The following HADHA variants were observed in gnomAD, a reference collection of about 807,000 sequenced individuals.
HADHA encodes hydroxyacyl-CoA dehydrogenase trifunctional multienzyme complex subunit alpha.
HADHA carries 59 observed loss-of-function variants against 91.3 expected under a neutral mutation model. The observed-to-expected ratio is 0.65, with a 90% CI of 0.52 to 0.80. HADHA has a LOEUF of 0.80. HADHA is among the 30% of genes least tolerant of loss of function. The pLI, the probability that HADHA is intolerant of heterozygous loss-of-function variation, is 0.00. For synonymous variants in HADHA, 320 were observed against 338.9 expected (o/e 0.94, Z 0.61); for missense variants, 800 against 927.6 (o/e 0.86, Z 1.79).
intron 4 of HADHA, 26 bp from the exon 5 acceptor site, chr2:26,234,381 C>A (rs780633192): frequency 6.2e-7 from 1 of 1,604,318 alleles, no homozygotes; most frequent in East Asian, 2.2e-5. Flanking sequence ...AAGTAGAGAA[C>A]AGAGAAAAAG....
intron 1 of HADHA, among the ~76,000 whole-genome samples, chr2:26,240,460 G>C (rs1670863969): frequency 6.6e-6 from 1 of 152,128 alleles, no homozygotes; most frequent in Admixed American, 6.5e-5. Context: ...TTCCTGCAAA[G>C]TAGAAATTCC....
intron 1 of HADHA, 142 bp downstream of exon 1, chr2:26,244,388 G>C: frequency 1.2e-6 from 1 of 829,980 alleles, no homozygotes; most frequent in Non-Finnish European, 2.0e-6. Flanking sequence ...CGGGAAACCG[G>C]GTCCCAGGGC....
chr2:26,208,005 G>T (rs1157521909), intron 11 of HADHA, among the ~76,000 whole-genome samples: 1 of 152,086 alleles, frequency 6.6e-6, no homozygotes, highest in African/African-American at 2.4e-5. Context: ...AACATATTTT[G>T]CCTTGGGTAT....
chr2:26,198,386 T>G (rs1450063865), intron 13 of HADHA, among the ~76,000 whole-genome samples: 1 of 151,928 alleles, frequency 6.6e-6, no homozygotes, highest in Non-Finnish European at 1.5e-5. Flanking sequence ...TTTTGTTTTT[T>G]TTTTTTAAAG....
chr2:26,193,293 C>CCT (rs1669564918), intron 17 of HADHA, among the ~76,000 whole-genome samples: 1 of 115,166 alleles, frequency 8.7e-6, no homozygotes, highest in Non-Finnish European at 1.7e-5. Flanking sequence ...CACATGACAT[C>CCT]TTTTTTTTTT....
intron 7 of HADHA, among the ~76,000 whole-genome samples, chr2:26,228,078 G>T (rs577897445): frequency 1.3e-5 from 2 of 151,498 alleles, no homozygotes; most frequent in Non-Finnish European, 2.9e-5. Flanking sequence ...ATATGGACTA[G>T]CCAATCCACT....
At position 26,191,460 on chromosome 2, in the gene HADHA, C is replaced by G. The variant is rs372669268; in HGVS notation, c.2146+23G>C. ...ACGGGCTCCAGGCTAAAGTGAGCTT[C>G]CTTCCCAACCTGCGAGACCAACCTC... On this transcript the variant is annotated intron_variant, in intron 19 of 19. Transcript: ENST00000380649. The G allele has an allele frequency of 2.5e-6, 4 of 1,614,080 alleles. No homozygotes were observed. The African/African-American group carries it at 4.0e-5, about 16-fold the overall frequency.
chr2:26,201,884 C>G (rs559070547), intron 12 of HADHA, among the ~76,000 whole-genome samples: 1 of 151,548 alleles, frequency 6.6e-6, no homozygotes, highest in Non-Finnish European at 1.5e-5. Flanking sequence ...AACCTCTTGT[C>G]TCCTGGGTTC....
Position 26,214,311 on chromosome 2 carries a change from T to C in HADHA, c.918+132A>G. 1 of 754,034 alleles carries C rather than the reference T, an allele frequency of 1.3e-6. No individual in the cohort carries two copies. The highest frequency in any genetic ancestry group is 2.4e-6 in the Non-Finnish European group (1 of 409,340). 46.7% of individuals were successfully genotyped at this position (754,034 alleles called of 1,614,324 possible). ...AGCTTGCTATGCCCTTCCCTTATTT[T>C]TGGTAAATACTTTAATAGCAGAATT... is the stretch of plus-strand genomic sequence containing the variant. On this transcript the variant is annotated intron_variant, in intron 9 of 19. Transcript: ENST00000380649. This position sits in a 1 kb window ranked among gnomAD's most constrained non-coding sequence, Gnocchi z 4.1.
At chr2:26,191,952 T>C (rs1040497760) in intron 18 of HADHA, among the ~76,000 whole-genome samples, 2 of 152,154 alleles carry the variant, frequency 1.3e-5, no homozygotes, top group African/African-American at 4.8e-5. Context: ...CCAAGGAGAA[T>C]CTGTCCTTCC....
chr2:26,224,041 C>T (rs2147775878), intron 7 of HADHA, among the ~76,000 whole-genome samples: 1 of 152,346 alleles, frequency 6.6e-6, no homozygotes, highest in Non-Finnish European at 1.5e-5. Flanking sequence ...GCCACTGCAC[C>T]TGGCCGGAAT....
intron 17 of HADHA, 23 bp from the exon 18 acceptor site, chr2:26,192,447 G>A: frequency 1.6e-6 from 2 of 1,238,888 alleles, no homozygotes; most frequent in Non-Finnish European, 2.4e-6. Context: ...AGAAAAGGGA[G>A]TGTTACTATT....
chr2:26,209,723 T>C (rs1670049134), intron 11 of HADHA, 57 bp downstream of exon 11: 2 of 862,074 alleles, frequency 2.3e-6, no homozygotes, highest in Non-Finnish European at 2.0e-6. Context: ...TCAAAGCCTC[T>C]GTGAACTTTG....
rs750009289 is a variant in HADHA, at chr2:26,197,711, C to G, written c.1459G>C (p.Val487Leu). The change falls in exon 14 of 20, where the codon GTC becomes CTC. Residue 487 changes from valine to leucine, a missense_variant. Physicochemically the swap from Val to Leu is conservative, Grantham distance 32. Coordinates refer to ENST00000380649, the MANE Select transcript of HADHA (RefSeq NM_000182.5). ...TTTACCTTCTCAGGTCTTTTGCTGA[C>G]AGCAGCGATTTCACTGATTGGGAGA... ...SALPISEIAAVSKRPEKVIGM... is the reference protein window; with the variant it reads ...SALPISEIAALSKRPEKVIGM... The G allele has an allele frequency of 2.0e-6, 3 of 1,511,872 alleles. No individual in the cohort carries two copies. Among genetic ancestry groups the G allele is most frequent in the Admixed American group, 1.7e-5 (1 of 59,904 alleles). 93.7% of individuals were successfully genotyped at this position (1,511,872 alleles called of 1,614,324 possible).
At chr2:26,239,277 G>T in intron 1 of HADHA, 134 bp from the exon 2 acceptor site, 1 of 721,782 alleles carries the variant, frequency 1.4e-6, no homozygotes, top group Admixed American at 2.2e-5. Context: ...TAGGCCATAT[G>T]ACTACTGCCA....
intron 17 of HADHA, 144 bp from the exon 18 acceptor site, chr2:26,192,568 T>G (rs1377784633): frequency 1.5e-6 from 1 of 677,604 alleles, no homozygotes; most frequent in Non-Finnish European, 2.7e-6. Context: ...GGAGGATCAT[T>G]TGAGGTCAGG....
rs1474848311 is a variant in HADHA, at chr2:26,194,632, G to T, written c.1627C>A (p.Pro543Thr). The change falls in exon 16 of 20, where the codon CCT becomes ACT. Residue 543 changes from proline (P) to threonine (T), a missense_variant. By Grantham distance (38) the Pro-to-Thr change is conservative. Transcript: ENST00000380649. ...AGACACCTGGTAGTATAGAAGCCAGGTCCATCCTGCCAAGGAAGAGAACAT... is the reference window on the plus strand; with the variant it reads ...AGACACCTGGTAGTATAGAAGCCAGTTCCATCCTGCCAAGGAAGAGAACAT... Reference protein sequence around the residue: ...GKVIIVVKDGPGFYTTRCLAP... With the variant: ...GKVIIVVKDGTGFYTTRCLAP... The T allele has an allele frequency of 6.2e-7, 1 of 1,607,318 alleles. No individual in the cohort carries two copies. The highest frequency in any genetic ancestry group is 8.5e-7 in the Non-Finnish European group (1 of 1,174,256).
In HADHA at chr2:26,194,621, A is replaced by G. The variant is rs779881707; in HGVS notation, c.1638T>C (p.Tyr546=). 1.7e-5 allele frequency: 28 copies of G among 1,610,456 alleles called. No homozygotes were observed. Among genetic ancestry groups the G allele is most frequent in the East Asian group, 1.1e-4 (5 of 44,874 alleles). ...TCATGGGCGCAAGACACCTGGTAGT[A>G]TAGAAGCCAGGTCCATCCTGCCAAG... is the stretch of plus-strand genomic sequence containing the variant. ...IIVVKDGPGF[Y]TTRCLAPMMS... is the part of the protein sequence containing the mutation. Residue 546 remains tyrosine, a synonymous_variant, in exon 16 of 20, where the codon TAT becomes TAC. Transcript: ENST00000380649.
At chr2:26,239,043 T>C in intron 2 of HADHA, 39 bp from the exon 3 acceptor site, 1 of 1,570,864 alleles carries the variant, frequency 6.4e-7, no homozygotes, top group South Asian at 1.1e-5. Flanking sequence ...AACATATTTA[T>C]TGCAACATAA....
Sources: allele counts gnomAD v4.1 joint callset (sites outside exome capture counted in the v4.1 genomes callset), GRCh38; gene constraint gnomAD v4.1.1; non-coding constraint Gnocchi (gnomAD v3.1); transcripts MANE v1.5; gene names NCBI Gene and HGNC (gene_info 2026-07-23, HGNC 2026-07-21).